The following CLVS1 variants were observed in gnomAD, a reference collection of about 807,000 sequenced individuals.
CLVS1 encodes the protein clavesin-1.
Under a neutral mutation model 33.1 loss-of-function variants are expected in CLVS1, and 10 were observed. That is an observed-to-expected ratio of 0.30 (90% CI 0.19 to 0.51). The LOEUF (loss-of-function observed/expected upper bound fraction) is 0.51, where lower values mean the gene tolerates loss of function less well. CLVS1 is among the 20% of genes least tolerant of loss of function. The pLI is 0.97. For synonymous variants in CLVS1, 163 were observed against 166.1 expected (o/e 0.98, Z 0.14); for missense variants, 343 against 433.4 (o/e 0.79, Z 1.85).
chr8:61,386,565 C>A (rs1180308830), intron 3 of CLVS1, among the ~76,000 whole-genome samples: 3 of 152,170 alleles, frequency 2.0e-5, no homozygotes, highest in African/African-American at 4.8e-5. Context: ...GGCAATCCTG[C>A]CACATATTGG....
At chr8:61,375,281 G>A (rs1275048172) in intron 2 of CLVS1, among the ~76,000 whole-genome samples, 1 of 149,364 alleles carries the variant, frequency 6.7e-6, no homozygotes, top group African/African-American at 2.5e-5. Flanking sequence ...GACAGAGGCT[G>A]GCTGCAACTC....
rs1310175476 is a variant in CLVS1 at position 61,074,362 on chromosome 8, A to ATATATATATATAT, written c.-243+17133_-243+17145dup. ...CAAATTTAAATATGTGTGTGTGTGTATATATATATATATAAGTATATGTGT... is the reference window on the plus strand; with the variant it reads ...CAAATTTAAATATGTGTGTGTGTGTATATATATATATATTATATATATATATAAGTATATGTGT... On this transcript the variant is annotated intron_variant, in intron 1 of 2. Coordinates refer to the CLVS1 transcript ENST00000522621. Among the ~76,000 whole-genome samples the ATATATATATATAT allele has an allele frequency of 5.0e-5, 5 of 99,974 alleles. No homozygotes were observed. The Admixed American group carries it at 5.1e-4, about 10-fold the overall frequency. 65.6% of individuals were successfully genotyped at this position (99,974 alleles called of 152,430 possible).
At chr8:61,139,618 C>T (rs757322924) in intron 2 of CLVS1, among the ~76,000 whole-genome samples, 165 of 151,844 alleles carry the variant, frequency 1.1e-3, no homozygotes, top group Non-Finnish European at 1.8e-3. Context: ...GTATTTCCAG[C>T]CTGCTGGGGC....
intron 1 of CLVS1, among the ~76,000 whole-genome samples, chr8:61,068,794 A>C (rs949348739): frequency 6.6e-5 from 10 of 151,948 alleles, no homozygotes; most frequent in Non-Finnish European, 1.5e-4. Context: ...CCCTTCCTTC[A>C]TCTGCTCCCC....
rs1322097521 is a variant in CLVS1 at position 61,501,568 on chromosome 8, T to A, written c.*2026T>A. On this transcript the variant is annotated 3_prime_UTR_variant, in exon 6 of 6. Coordinates refer to ENST00000325897, the MANE Select transcript of CLVS1 (RefSeq NM_173519.3). ...TGACATGAATGTTACTACATGAACATTGAATTGTATTGCCCTTGTCAGTTA... is the reference window on the plus strand; with the variant it reads ...TGACATGAATGTTACTACATGAACAATGAATTGTATTGCCCTTGTCAGTTA... 1 of 152,188 alleles carries A rather than the reference T, an allele frequency of 6.6e-6. No individual in the cohort carries two copies. Among genetic ancestry groups the A allele is most frequent in the East Asian group, 1.9e-4 (1 of 5,198 alleles). The allele number at this position is 152,188 out of a possible 1,614,324, so 9.4% of individuals were successfully genotyped here.
At chr8:61,111,673 C>T (rs894265369) in intron 1 of CLVS1, among the ~76,000 whole-genome samples, 4 of 152,084 alleles carry the variant, frequency 2.6e-5, no homozygotes, top group African/African-American at 9.7e-5. Context: ...ATCTTTCTGC[C>T]TAGCTCTCTG....
chr8:61,310,128 A>G (rs914791870), intron 2 of CLVS1, among the ~76,000 whole-genome samples: 1 of 152,218 alleles, frequency 6.6e-6, no homozygotes, highest in African/African-American at 2.4e-5. Context: ...AGAGAAACCC[A>G]AGAAAAGGTT....
intron 3 of CLVS1, among the ~76,000 whole-genome samples, chr8:61,439,819 G>C (rs896865345): frequency 3.9e-5 from 6 of 151,906 alleles, no homozygotes; most frequent in African/African-American, 1.5e-4. Flanking sequence ...TTTTTTAATA[G>C]AGATTATCTA....
rs568020057 is a variant in CLVS1, at chr8:61,206,254, C to T, written c.-152+74394C>T. On this transcript the variant is annotated intron_variant, in intron 2 of 2. Coordinates refer to the CLVS1 transcript ENST00000522621. ...AAAACCCTAACCCATACCATCAGAA[C>T]TTGAGGCAATTTGGCAGAGTAATAT... Among the ~76,000 whole-genome samples the T allele has an allele frequency of 6.6e-5, 10 of 152,272 alleles. No homozygotes were observed. In the South Asian group the frequency reaches 1.0e-3, roughly 16 times the overall value.
the CLVS1 span, among the ~76,000 whole-genome samples, chr8:61,035,476 A>T: frequency 1.3e-5 from 2 of 152,296 alleles, no homozygotes; most frequent in South Asian, 4.1e-4. Context: ...GATCCTAAAG[A>T]GTAGATGTGC....
chr8:61,331,823 T>TTCCTCCTCCTCCTCCTCCTCC (rs71257360), intron 2 of CLVS1, among the ~76,000 whole-genome samples: 3 of 141,984 alleles, frequency 2.1e-5, no homozygotes, highest in African/African-American at 7.7e-5. Flanking sequence ...CCTCCTCCTC[T>TTCCTCCTCCTCCTCCTCCTCC]TCCTCCTCCT....
intron 3 of CLVS1, among the ~76,000 whole-genome samples, chr8:61,439,798 CTTTT>C (rs2129606019): frequency 6.6e-6 from 1 of 152,114 alleles, no homozygotes; most frequent in South Asian, 2.1e-4. Flanking sequence ...CCCCTCCCTT[CTTTT>C]GTGTGTTTTT....
chr8:61,065,270 A>C (rs892807710), intron 1 of CLVS1, among the ~76,000 whole-genome samples: 1 of 152,238 alleles, frequency 6.6e-6, no homozygotes, highest in African/African-American at 2.4e-5. Context: ...AATAGTTGTT[A>C]TATTGTATTT....
chr8:61,376,782 A>G lies in CLVS1; in HGVS notation c.630+3A>G. 6.2e-7 allele frequency: 1 copy of G among 1,612,914 alleles called. No homozygotes were observed. Among genetic ancestry groups the G allele is most frequent in the Non-Finnish European group, 8.5e-7 (1 of 1,179,162 alleles). On this transcript the variant is annotated splice_donor_region_variant and intron_variant, in intron 3 of 5. Coordinates refer to ENST00000325897, the MANE Select transcript of CLVS1 (RefSeq NM_173519.3). ...AACTGGCCATTGAAGGGTTGCAGGT[A>G]TGTTCAATGAATGCGCAATACAAGA...
chr8:61,463,814 C>G (rs1436538667), intron 5 of CLVS1, among the ~76,000 whole-genome samples: 2 of 152,020 alleles, frequency 1.3e-5, no homozygotes, highest in East Asian at 3.9e-4. Context: ...AGCCTGTAAT[C>G]CTACCACTTT....
At chr8:61,231,283 C>T (rs2978546) in intron 2 of CLVS1, among the ~76,000 whole-genome samples, 50,864 of 146,564 alleles carry the variant, frequency 0.35, 9,379 homozygotes, top group Non-Finnish European at 0.39. Context: ...GGCACCTGTG[C>T]TTGCACACAC....
chr8:61,032,870 T>C, the CLVS1 span, among the ~76,000 whole-genome samples: 2 of 151,610 alleles, frequency 1.3e-5, no homozygotes, highest in Non-Finnish European at 2.9e-5. Flanking sequence ...TGCTTCAAAA[T>C]ACTATCTGTA....
intron 2 of CLVS1, among the ~76,000 whole-genome samples, chr8:61,229,717 G>C (rs1459405495): frequency 1.3e-5 from 2 of 152,216 alleles, no homozygotes; most frequent in Non-Finnish European, 2.9e-5. Context: ...TGCAACCTCT[G>C]CCTCCTGGGT....
chr8:61,368,859 G>A (rs1384260684), intron 2 of CLVS1, among the ~76,000 whole-genome samples: 2 of 152,146 alleles, frequency 1.3e-5, no homozygotes, highest in African/African-American at 2.4e-5. Flanking sequence ...CATTATTCTG[G>A]TATTTCAGAG....
Sources: gnomAD v4.1 joint callset for allele counts (sites outside exome capture counted in the v4.1 genomes callset) on GRCh38, gnomAD v4.1.1 for gene constraint, MANE v1.5 for transcripts, NCBI Gene and HGNC (gene_info 2026-07-23, HGNC 2026-07-21) for gene names.